The following GRIK4 variants were observed in gnomAD, a reference collection of about 807,000 sequenced individuals.
GRIK4 encodes the protein glutamate ionotropic receptor kainate type subunit 4.
A neutral mutation model predicts 104.9 loss-of-function variants in GRIK4; 40 were observed. The ratio of observed to expected loss-of-function variants is 0.38; its 90% confidence interval spans 0.30 to 0.50. The LOEUF (loss-of-function observed/expected upper bound fraction) is 0.50, where lower values mean the gene tolerates loss of function less well. Among genes scored for constraint, GRIK4 ranks in the 20% least tolerant of loss-of-function variants. GRIK4 has a pLI of 0.93. For synonymous variants in GRIK4, 485 were observed against 524.9 expected (o/e 0.92, Z 1.04); for missense variants, 1,047 against 1,308.1 (o/e 0.80, Z 3.08).
At chr11:120,732,032 T>G (rs1244120097) in intron 3 of GRIK4, among the ~76,000 whole-genome samples, 1 of 152,220 alleles carries the variant, frequency 6.6e-6, no homozygotes, top group African/African-American at 2.4e-5. Context: ...TTGTATTCTT[T>G]GTTTCAGTTC....
chr11:120,843,231 C>G (rs897396383), intron 8 of GRIK4, among the ~76,000 whole-genome samples: 1 of 152,278 alleles, frequency 6.6e-6, no homozygotes, highest in Admixed American at 6.5e-5. Context: ...ATTTCATTGC[C>G]ATGCCCCAGG....
rs188473196 is a variant in GRIK4, at chr11:120,737,555, T to C, written c.83-65138T>C. Among the ~76,000 whole-genome samples the C allele has an allele frequency of 2.7e-3, 413 of 152,170 alleles. 1 individual carries two copies. Among genetic ancestry groups the C allele is most frequent in the African/African-American group, 8.7e-3 (362 of 41,500 alleles). On this transcript the variant is annotated intron_variant, in intron 3 of 20. Transcript: ENST00000527524. Reference sequence around the variant, plus strand: ...AGAATCCAGACTGGGAGAAATTCCATTGGGCAAACGAACAAATAAATTGTA... The same window carrying C: ...AGAATCCAGACTGGGAGAAATTCCACTGGGCAAACGAACAAATAAATTGTA...
At chr11:120,602,439 G>C (rs1165341653) in intron 1 of GRIK4, among the ~76,000 whole-genome samples, 1 of 152,178 alleles carries the variant, frequency 6.6e-6, no homozygotes, top group Non-Finnish European at 1.5e-5. Flanking sequence ...CACCTGAAGA[G>C]GAAGGAAGGA....
In GRIK4 at chr11:120,802,718, G is replaced by T; in HGVS notation, c.108G>T (p.Glu36Asp). The T allele has an allele frequency of 6.2e-7, 1 of 1,614,102 alleles. No individual in the cohort carries two copies. The highest frequency in any genetic ancestry group is 8.5e-7 in the Non-Finnish European group (1 of 1,180,000). Residue 36 changes from glutamate to aspartate, a missense_variant, in exon 4 of 21, where the codon GAG becomes GAT. Transcript: ENST00000527524. ...CTGCTATCTTGGACGACCCCATGGA[G>T]TGCAGCAGAGGGGAGCGGCTCTCCA... ...RIAAILDDPM[E>D]CSRGERLSIT...
At chr11:120,602,073 A>G (rs561137885) in intron 1 of GRIK4, among the ~76,000 whole-genome samples, 14 of 151,994 alleles carry the variant, frequency 9.2e-5, no homozygotes, top group Non-Finnish European at 1.9e-4. Flanking sequence ...AGTCCCAGCC[A>G]GGTACCCCGG....
At chr11:120,588,602 C>T (rs1948697953) in intron 1 of GRIK4, among the ~76,000 whole-genome samples, 1 of 152,092 alleles carries the variant, frequency 6.6e-6, no homozygotes, top group South Asian at 2.1e-4. Flanking sequence ...GGAGGCATCC[C>T]AGGAGGTCAA....
At chr11:120,847,224 G>C (rs1953871884) in intron 8 of GRIK4, among the ~76,000 whole-genome samples, 1 of 152,042 alleles carries the variant, frequency 6.6e-6, no homozygotes, top group South Asian at 2.1e-4. Flanking sequence ...CAGGAGTAGA[G>C]AGAGGAGGTC....
chr11:120,969,696 G>A (rs992401131), intron 19 of GRIK4, among the ~76,000 whole-genome samples: 1 of 152,186 alleles, frequency 6.6e-6, no homozygotes, highest in Admixed American at 6.5e-5. Flanking sequence ...GCAGGAAAGA[G>A]CGCCGTCTCT....
intron 1 of GRIK4, among the ~76,000 whole-genome samples, chr11:120,630,793 G>A (rs1182036126): frequency 6.6e-6 from 1 of 152,232 alleles, no homozygotes; most frequent in Non-Finnish European, 1.5e-5. Context: ...TGGAAAGTTC[G>A]CTAACCAGGG....
At chr11:120,598,620 A>G (rs1405952894) in intron 1 of GRIK4, among the ~76,000 whole-genome samples, 1 of 152,212 alleles carries the variant, frequency 6.6e-6, no homozygotes, top group East Asian at 1.9e-4. Flanking sequence ...GGTCTTGGCC[A>G]GGTTGTCTGG....
chr11:120,826,972 A>G (rs576275648), intron 6 of GRIK4, among the ~76,000 whole-genome samples: 97 of 152,188 alleles, frequency 6.4e-4, no homozygotes, highest in African/African-American at 2.2e-3. Flanking sequence ...GGGAAGGGGA[A>G]GGTTTAGGTT....
In GRIK4 at chr11:120,762,117, T is replaced by G. The variant is rs565829783; in HGVS notation, c.83-40576T>G. Among the ~76,000 whole-genome samples the G allele has an allele frequency of 5.9e-5, 9 of 152,324 alleles. No individual in the cohort carries two copies. The South Asian group carries it at 1.9e-3, about 32-fold the overall frequency. On this transcript the variant is annotated intron_variant, in intron 3 of 20. Coordinates refer to ENST00000527524, the MANE Select transcript of GRIK4 (RefSeq NM_014619.5). Reference sequence around the variant, plus strand: ...CCGTTTGTGTCCTCTCTTATTTCCTTGAGCAGTGGTTTGTAGTTCTCCTTG... The same window carrying G: ...CCGTTTGTGTCCTCTCTTATTTCCTGGAGCAGTGGTTTGTAGTTCTCCTTG...
At chr11:120,614,211 A>C (rs930362961) in intron 1 of GRIK4, among the ~76,000 whole-genome samples, 2 of 152,204 alleles carry the variant, frequency 1.3e-5, no homozygotes, top group Non-Finnish European at 2.9e-5. Flanking sequence ...GCAAGTGGTT[A>C]TGTGGTTGGT....
chr11:120,916,100 G>A (rs1943099016), intron 13 of GRIK4, among the ~76,000 whole-genome samples: 1 of 152,202 alleles, frequency 6.6e-6, no homozygotes, highest in African/African-American at 2.4e-5. Flanking sequence ...CAAGGAGGTG[G>A]CTCTGAGTGG....
intron 3 of GRIK4, among the ~76,000 whole-genome samples, chr11:120,768,031 G>GTT (rs111604415): frequency 0.041 from 5,806 of 141,678 alleles, 300 homozygotes; most frequent in African/African-American, 0.12. Context: ...GATATTAAGG[G>GTT]TTTTTTTTTT....
At chr11:120,531,017 G>A (rs1947918201) in intron 1 of GRIK4, among the ~76,000 whole-genome samples, 1 of 152,196 alleles carries the variant, frequency 6.6e-6, no homozygotes, top group South Asian at 2.1e-4. Flanking sequence ...CAGAGTGGGG[G>A]TGATGAGTCC....
At chr11:120,808,054 C>T (rs957560326) in intron 4 of GRIK4, among the ~76,000 whole-genome samples, 7 of 152,110 alleles carry the variant, frequency 4.6e-5, no homozygotes, top group Non-Finnish European at 8.8e-5. Flanking sequence ...AAGAAGGCAT[C>T]TAGGTAGATG....
chr11:120,699,458 G>A (rs889289517), intron 3 of GRIK4, among the ~76,000 whole-genome samples: 1 of 151,882 alleles, frequency 6.6e-6, no homozygotes, highest in Non-Finnish European at 1.5e-5. Flanking sequence ...ACTGTTCTAG[G>A]CACTGAGCAT....
intron 8 of GRIK4, chr11:120,858,320 T>A (rs891343461): frequency 6.6e-6 from 1 of 152,200 alleles, no homozygotes; most frequent in Non-Finnish European, 1.5e-5. Flanking sequence ...GTTCGTTTTA[T>A]GAAATATCTC....
Sources: gnomAD v4.1 joint callset for allele counts (sites outside exome capture counted in the v4.1 genomes callset) on GRCh38, gnomAD v4.1.1 for gene constraint, MANE v1.5 for transcripts, NCBI Gene and HGNC (gene_info 2026-07-23, HGNC 2026-07-21) for gene names.